Variants in GALNT13 observed in about 807,000 individuals in gnomAD.
GALNT13 encodes the protein UDP-GalNAc:polypeptide N-acetylgalactosaminyltransferase 13.
In GALNT13, 28 loss-of-function variants were observed where a neutral mutation model predicts 64.2. That is an observed-to-expected ratio of 0.44 (90% CI 0.32 to 0.60). The LOEUF is 0.60. Ranked by LOEUF, GALNT13 falls within the 20% of genes least tolerant of loss-of-function variation. GALNT13 has a pLI of 0.05. For synonymous variants in GALNT13, 214 were observed against 224.6 expected (o/e 0.95, Z 0.42); for missense variants, 577 against 669.8 (o/e 0.86, Z 1.53).
At chr2:153,939,218 C>T (rs974684487) in intron 2 of GALNT13, among the ~76,000 whole-genome samples, 1 of 152,034 alleles carries the variant, frequency 6.6e-6, no homozygotes, top group Non-Finnish European at 1.5e-5. Flanking sequence ...GAAGGAAGAT[C>T]TGAAGGAAAC....
chr2:154,287,042 G>A, intron 8 of GALNT13: 1 of 660,830 alleles, frequency 1.5e-6, no homozygotes, highest in African/African-American at 1.8e-5. Context: ...AGGCAGGTGA[G>A]TGATGACCTT....
At chr2:153,425,761 C>G in the GALNT13 span, among the ~76,000 whole-genome samples, 42 of 151,914 alleles carry the variant, frequency 2.8e-4, no homozygotes, top group East Asian at 5.6e-3. Flanking sequence ...TGCCCTATGC[C>G]ATGGTCTAAA....
the GALNT13 span, among the ~76,000 whole-genome samples, chr2:153,164,476 C>A: frequency 1.3e-5 from 2 of 151,846 alleles, no homozygotes; most frequent in African/African-American, 4.8e-5. Flanking sequence ...TCTGTGTTTA[C>A]GTGTATTTGA....
At chr2:153,248,831 AAAAAAAG>A in the GALNT13 span, among the ~76,000 whole-genome samples, 2 of 45,710 alleles carry the variant, frequency 4.4e-5, no homozygotes, top group Admixed American at 1.3e-4. Context: ...AAAAAAAAGA[AAAAAAAG>A]AAAAAAAAAA....
chr2:153,452,947 T>C, the GALNT13 span, among the ~76,000 whole-genome samples: 2 of 152,080 alleles, frequency 1.3e-5, no homozygotes, highest in South Asian at 4.1e-4. Flanking sequence ...TGGCACAGAA[T>C]AGAGAACCCC....
the GALNT13 span, among the ~76,000 whole-genome samples, chr2:153,340,656 G>GAA: frequency 1.6e-5 from 2 of 124,880 alleles, no homozygotes; most frequent in Non-Finnish European, 1.7e-5. Context: ...CTCCATCTCA[G>GAA]AAAAAAAAAA....
the GALNT13 span, among the ~76,000 whole-genome samples, chr2:153,313,692 C>A: frequency 5.9e-5 from 9 of 152,054 alleles, no homozygotes; most frequent in Admixed American, 3.9e-4. Flanking sequence ...TACCTCTGAA[C>A]TTAAAAGTTA....
intron 8 of GALNT13, among the ~76,000 whole-genome samples, chr2:154,263,132 G>T (rs550180732): frequency 6.6e-6 from 1 of 152,118 alleles, no homozygotes; most frequent in Admixed American, 6.6e-5. Context: ...TGACAGCAAA[G>T]GACACAGAAA....
intron 9 of GALNT13, among the ~76,000 whole-genome samples, chr2:154,347,537 C>G (rs1696140166): frequency 6.6e-6 from 1 of 152,022 alleles, no homozygotes; most frequent in South Asian, 2.1e-4. Flanking sequence ...AATATGTCAC[C>G]TATAGATGTT....
At chr2:154,341,908 A>C (rs927216823) in intron 9 of GALNT13, among the ~76,000 whole-genome samples, 3 of 152,112 alleles carry the variant, frequency 2.0e-5, no homozygotes, top group Admixed American at 1.3e-4. Context: ...TATATTTCCC[A>C]AAGATAGAGC....
At chr2:154,350,852 C>T (rs1696356756) in intron 9 of GALNT13, among the ~76,000 whole-genome samples, 1 of 152,164 alleles carries the variant, frequency 6.6e-6, no homozygotes, top group Non-Finnish European at 1.5e-5. Flanking sequence ...GAGAACTTCA[C>T]ACTTACAGCA....
chr2:153,941,746 G>T (rs781612955), intron 2 of GALNT13, among the ~76,000 whole-genome samples: 6 of 152,136 alleles, frequency 3.9e-5, no homozygotes, highest in African/African-American at 7.2e-5. Flanking sequence ...TTCTGTGAAT[G>T]ATAAAGTTTA....
intron 9 of GALNT13, among the ~76,000 whole-genome samples, chr2:154,339,641 G>T (rs182622988): frequency 2.4e-3 from 366 of 152,242 alleles, no homozygotes; most frequent in Non-Finnish European, 4.1e-3. Flanking sequence ...ATATTGAATT[G>T]TGCTCAGTTC....
At chr2:154,274,181 G>A (rs1321774686) in intron 8 of GALNT13, among the ~76,000 whole-genome samples, 1 of 152,116 alleles carries the variant, frequency 6.6e-6, no homozygotes, top group African/African-American at 2.4e-5. Context: ...CTTTCACTGT[G>A]TGGGTATGTA....
At chr2:153,258,369 A>AAAAACAAAACAAAACAAAACAAAAC in the GALNT13 span, among the ~76,000 whole-genome samples, 427 of 147,152 alleles carry the variant, frequency 2.9e-3, no homozygotes, top group Middle Eastern at 0.014. Flanking sequence ...CTGGTCTCCC[A>AAAAACAAAACAAAACAAAACAAAAC]AAAACAAAAC....
At chr2:154,416,739 G>T (rs1221466009) in intron 11 of GALNT13, among the ~76,000 whole-genome samples, 1 of 152,094 alleles carries the variant, frequency 6.6e-6, no homozygotes, top group Non-Finnish European at 1.5e-5. Flanking sequence ...TAGGCCCTGT[G>T]ATCATTTGAT....
At chr2:153,630,504 G>T in the GALNT13 span, among the ~76,000 whole-genome samples, 1 of 81,950 alleles carries the variant, frequency 1.2e-5, no homozygotes, top group African/African-American at 4.7e-5. Context: ...GTTGTGGGGT[G>T]GGGGGAGGGG....
chr2:153,090,216 T>G, the GALNT13 span, among the ~76,000 whole-genome samples: 1 of 152,142 alleles, frequency 6.6e-6, no homozygotes, highest in Non-Finnish European at 1.5e-5. Flanking sequence ...GGGATTGTTA[T>G]TGCTCTCTTG....
intron 1 of GALNT13, among the ~76,000 whole-genome samples, chr2:153,877,691 A>G (rs927132064): frequency 1.3e-5 from 2 of 152,178 alleles, no homozygotes; most frequent in African/African-American, 2.4e-5. Flanking sequence ...TTATATGACT[A>G]TCAAAACCCC....
Sources: gnomAD v4.1 joint callset for allele counts (sites outside exome capture counted in the v4.1 genomes callset) on GRCh38, gnomAD v4.1.1 for gene constraint, MANE v1.5 for transcripts, NCBI Gene and HGNC (gene_info 2026-07-23, HGNC 2026-07-21) for gene names.